The following HOOK2 variants were observed in gnomAD, a reference collection of about 807,000 sequenced individuals.
HOOK2 encodes protein Hook homolog 2.
A neutral mutation model predicts 111.9 loss-of-function variants in HOOK2; 108 were observed. That is an observed-to-expected ratio of 0.96 (90% confidence interval 0.83 to 1.13). The LOEUF (loss-of-function observed/expected upper bound fraction) is 1.13, where lower values mean the gene tolerates loss of function less well. HOOK2 is among the 50% of genes most tolerant of loss of function. HOOK2 has a pLI of 0.00. For synonymous variants in HOOK2, 405 were observed against 394.3 expected (o/e 1.03, Z -0.32); for missense variants, 978 against 951.3 (o/e 1.03, Z -0.37).
At chr19:12,789,539 G>A (rs1039699152) in intron 3 of HOOK2, among the ~76,000 whole-genome samples, 3 of 152,136 alleles carry the variant, frequency 2.0e-5, no homozygotes, top group African/African-American at 7.2e-5. Flanking sequence ...TGAGTGGGGG[G>A]TGTTGGGGAC....
intron 3 of HOOK2, 62 bp downstream of exon 3, chr19:12,774,607 G>T: frequency 6.7e-7 from 1 of 1,501,004 alleles, no homozygotes; most frequent in Non-Finnish European, 9.3e-7. Context: ...CATGTGCCTA[G>T]CTGGCCCGTC....
intron 3 of HOOK2, chr19:12,792,026 G>C: frequency 6.2e-7 from 1 of 1,611,432 alleles, no homozygotes; most frequent in Non-Finnish European, 8.5e-7. Flanking sequence ...TCGCCTCTTC[G>C]GAGCTGGAAC....
intron 3 of HOOK2, chr19:12,774,431 A>G (rs1433127109): frequency 3.4e-6 from 2 of 594,364 alleles, no homozygotes; most frequent in Non-Finnish European, 6.0e-6. Flanking sequence ...ATGGTTGTGT[A>G]TGTGTTGCTT....
chr19:12,766,297 G>A, intron 14 of HOOK2, 57 bp from the exon 15 acceptor site: 1 of 1,471,596 alleles, frequency 6.8e-7, no homozygotes, highest in Non-Finnish European at 9.0e-7. Flanking sequence ...CAGGCTCGCT[G>A]GGGCTCAGGG....
intron 6 of HOOK2, 45 bp downstream of exon 6, chr19:12,772,568 C>A (rs537032210): frequency 1.3e-6 from 2 of 1,599,128 alleles, no homozygotes; most frequent in Non-Finnish European, 1.7e-6. Context: ...AGAGATGTCC[C>A]CTCTCCTGAC....
intron 7 of HOOK2, 39 bp from the exon 8 acceptor site, chr19:12,771,516 G>A (rs1362956832): frequency 1.3e-6 from 2 of 1,552,440 alleles, no homozygotes; most frequent in African/African-American, 1.3e-5. Context: ...AGGGATTCAG[G>A]AGAAGGACGG....
rs757312121 is a variant in HOOK2 at position 12,792,225 on chromosome 19, G to T, written n.42-18000C>A. 1.2e-5 allele frequency: 19 copies of T among 1,537,914 alleles called. No homozygotes were observed. The South Asian group carries it at 2.3e-4, about 18-fold the overall frequency. On this transcript the variant is annotated intron_variant and non_coding_transcript_variant, in intron 3 of 3. Transcript: ENST00000589765. ...GGACGATCTGCACAAGATGAACCAC[G>T]TGACACCCCCCAACGTGTCCCTGGG...
rs1484301134 is a variant in HOOK2, at chr19:12,790,698, T to C, written n.42-16473A>G. ...AGCAGATGACCCCAGTGGTCCCCAA[T>C]TTCTGGCAGACATGTCTCCATCTTC... On this transcript the variant is annotated intron_variant and non_coding_transcript_variant, in intron 3 of 3. Transcript: ENST00000589765. This position sits in a 1 kb window ranked among gnomAD's most constrained non-coding sequence, Gnocchi z 7.2. Among the ~76,000 whole-genome samples the C allele has an allele frequency of 6.6e-6, 1 of 152,192 alleles. No individual in the cohort carries two copies. Among genetic ancestry groups the C allele is most frequent in the Non-Finnish European group, 1.5e-5 (1 of 68,008 alleles).
rs1968379082 is a variant in HOOK2 at position 12,772,912 on chromosome 19, C to G, written c.256G>C (p.Val86Leu). ...TCTTCTGACACAGGATGCGCCAGGA[C>G]CTGGGGAGAAGGGGGTGTCAGGGGC... is the stretch of plus-strand genomic sequence containing the variant. ...LRSLVEYSQDVLAHPVSEEHL... is the reference protein window; with the variant it reads ...LRSLVEYSQDLLAHPVSEEHL... The change falls in exon 5 of 23, where the codon GTC (valine) becomes CTC (leucine). Residue 86 changes from valine to leucine, a missense_variant and splice_region_variant. Physicochemically the swap from Val to Leu is conservative, Grantham distance 32 (BLOSUM62 1). This residue lies in a region of HOOK2 where 301 missense variants were observed against 286.1 expected (regional missense o/e 1.05). Transcript: ENST00000397668. 6.2e-7 allele frequency: 1 copy of G among 1,614,112 alleles called. No homozygotes were observed. The highest frequency in any genetic ancestry group is 1.3e-5 in the African/African-American group (1 of 74,948).
intron 3 of HOOK2, among the ~76,000 whole-genome samples, chr19:12,783,510 G>A (rs898328132): frequency 6.6e-5 from 10 of 151,926 alleles, no homozygotes; most frequent in African/African-American, 2.4e-4. Flanking sequence ...CCCCCCTCGA[G>A]CCTGGCCTCC....
At chr19:12,774,963 G>T in intron 1 of HOOK2, 66 bp from the exon 2 acceptor site, 1 of 1,469,076 alleles carries the variant, frequency 6.8e-7, no homozygotes, top group Non-Finnish European at 9.3e-7. Flanking sequence ...CTCCCCTTTT[G>T]CAGACTTTTC....
chr19:12,777,366 G>A (rs1968546200), upstream of HOOK2, among the ~76,000 whole-genome samples: 1 of 151,356 alleles, frequency 6.6e-6, no homozygotes, highest in Non-Finnish European at 1.5e-5. Context: ...CCTATTCCCA[G>A]CTACTCCAGA....
chr19:12,770,907 G>A, intron 10 of HOOK2, 25 bp downstream of exon 10: 1 of 1,575,708 alleles, frequency 6.3e-7, no homozygotes, highest in Non-Finnish European at 8.7e-7. Context: ...CCCCCGTGAT[G>A]GGGACCCAGG....
At chr19:12,785,757 G>A (rs1349802377) in intron 3 of HOOK2, among the ~76,000 whole-genome samples, 2 of 152,154 alleles carry the variant, frequency 1.3e-5, no homozygotes, top group Non-Finnish European at 2.9e-5. Flanking sequence ...CTTGCCCCCT[G>A]GACCTTGCCA....
rs115585485 is a variant in HOOK2, at chr19:12,764,993, A to C, written c.1723+6T>G. On this transcript the variant is annotated splice_donor_region_variant and intron_variant, in intron 19 of 22. Transcript: ENST00000397668. Reference sequence around the variant, plus strand: ...CCCCACCCTCTGGTCACTAGGTCCTACTTACTGCTGCTGTCAGTGGGTGGC... The same window carrying C: ...CCCCACCCTCTGGTCACTAGGTCCTCCTTACTGCTGCTGTCAGTGGGTGGC... 53,762 of 1,613,922 alleles carry C rather than the reference A, an allele frequency of 0.033. 1,718 individuals are homozygous for C. Among genetic ancestry groups the C allele is most frequent in the African/African-American group, 0.16 (11,848 of 74,960 alleles).
At chr19:12,775,132 C>G (rs1330751854) in intron 1 of HOOK2, 1 of 960,522 alleles carries the variant, frequency 1.0e-6, no homozygotes, top group Non-Finnish European at 1.2e-6. Flanking sequence ...TCGCGAGTCA[C>G]CTGGGCCCCA....
At position 12,765,544 on chromosome 19, in the gene HOOK2, C is replaced by A. The variant is rs971993384; in HGVS notation, c.1640+146G>T. The A allele has an allele frequency of 4.4e-6, 5 of 1,128,420 alleles. No individual in the cohort carries two copies. The African/African-American group carries it at 4.6e-5, about 10-fold the overall frequency. The allele number at this position is 1,128,420 out of a possible 1,614,324, so 69.9% of individuals were successfully genotyped here. On this transcript the variant is annotated intron_variant, in intron 18 of 22. Coordinates refer to ENST00000397668, the MANE Select transcript of HOOK2 (RefSeq NM_013312.3). ...GGGTGGATCATCTGGGGTCAGGAGT[C>A]CGAGACCAGCCTGGCCAACATAGTG... is the stretch of plus-strand genomic sequence containing the variant.
chr19:12,792,047 C>T (rs1264636922), intron 3 of HOOK2: 1 of 1,610,786 alleles, frequency 6.2e-7, no homozygotes, highest in Non-Finnish European at 8.5e-7. Flanking sequence ...GCCTGATTGT[C>T]CCCAACAGCA....
At position 12,772,599 on chromosome 19, in the gene HOOK2, G is replaced by GT. The variant is rs1968369319; in HGVS notation, c.456+13dup. ...CTGACATTTTCCAATTGCACACTGA[G>GT]TGCCCCCACCCACCTCTTGGATGGC... is the stretch of plus-strand genomic sequence containing the variant. On this transcript the variant is annotated intron_variant, in intron 6 of 22. Transcript: ENST00000397668. The GT allele has an allele frequency of 6.2e-7, 1 of 1,613,496 alleles. No homozygotes were observed.
Sources: gnomAD v4.1 joint callset for allele counts (sites outside exome capture counted in the v4.1 genomes callset) on GRCh38, gnomAD v4.1.1 for gene constraint, gnomAD v4.1.1 regional missense constraint, Gnocchi (gnomAD v3.1) non-coding constraint, MANE v1.5 for transcripts, NCBI Gene and HGNC (gene_info 2026-07-23, HGNC 2026-07-21) for gene names.